Variants in OSBPL6 observed in about 807,000 individuals in gnomAD.
OSBPL6 encodes oxysterol-binding protein-related protein 6.
Under a neutral mutation model 125.8 loss-of-function variants are expected in OSBPL6, and 49 were observed. The observed-to-expected ratio is 0.39, with a 90% CI of 0.31 to 0.49. The LOEUF (loss-of-function observed/expected upper bound fraction) is 0.49, where lower values mean the gene tolerates loss of function less well. Among genes scored for constraint, OSBPL6 ranks in the 20% least tolerant of loss-of-function variants. OSBPL6 has a pLI of 0.88. For missense variants in OSBPL6, 986 were observed against 1,135.4 expected, an observed-to-expected ratio of 0.87 and a Z score of 1.89; for synonymous variants, 394 against 391.8, an observed-to-expected ratio of 1.01 and a Z score of -0.07.
chr2:178,382,545 A>G, intron 16 of OSBPL6, 38 bp downstream of exon 16: 3 of 1,613,428 alleles, frequency 1.9e-6, no homozygotes, highest in African/African-American at 1.3e-5. Flanking sequence ...TTCTATCTAC[A>G]TGCCAAATTG....
rs200475321 is a variant in OSBPL6, at chr2:178,383,022, A to T, written c.1622-2A>T. The T allele has an allele frequency of 3.7e-5, 60 of 1,613,946 alleles. No individual in the cohort carries two copies. Among genetic ancestry groups the T allele is most frequent in the Non-Finnish European group, 5.9e-6 (7 of 1,179,968 alleles). On this transcript the variant is annotated splice_acceptor_variant, in intron 16 of 24. Transcript: ENST00000190611. LOFTEE classifies it high-confidence loss of function. ...CCTTCACTGTGACTCTCCTTCTTCC[A>T]GTCCTGAATGGGGAGCTTACAGGAG... is the stretch of plus-strand genomic sequence containing the variant.
In OSBPL6 at chr2:178,325,673, T is replaced by A. The variant is rs564846017; in HGVS notation, c.195+1404T>A. ...ACCTACTTTACGCCAGGCACTGGAT[T>A]AGAACATGTATTATCTCACTTAATC... is the stretch of plus-strand genomic sequence containing the variant. On this transcript the variant is annotated intron_variant, in intron 4 of 24. Coordinates refer to ENST00000190611, the MANE Select transcript of OSBPL6 (RefSeq NM_032523.4). Among the ~76,000 whole-genome samples the A allele has an allele frequency of 2.6e-5, 4 of 152,346 alleles. No homozygotes were observed. The South Asian group carries it at 8.3e-4, about 32-fold the overall frequency.
chr2:178,381,489 G>T (rs1434149002), intron 15 of OSBPL6, among the ~76,000 whole-genome samples: 1 of 152,152 alleles, frequency 6.6e-6, no homozygotes, highest in Admixed American at 6.5e-5. Flanking sequence ...GAGTAGCTGG[G>T]ACTGCAGGCG....
chr2:178,395,744 C>G lies in OSBPL6; in HGVS notation c.*185C>G, dbSNP rs938027679. Reference sequence around the variant, plus strand: ...CAAGGCCCCTAACCACTTTGGGATCCTTTCTGTTTTGCTGCAACCATATTC... The same window carrying G: ...CAAGGCCCCTAACCACTTTGGGATCGTTTCTGTTTTGCTGCAACCATATTC... On this transcript the variant is annotated 3_prime_UTR_variant, in exon 25 of 25. Transcript: ENST00000190611. The G allele has an allele frequency of 2.2e-5, 10 of 462,152 alleles. No individual in the cohort carries two copies. The African/African-American group carries it at 2.3e-4, about 11-fold the overall frequency. 28.6% of individuals were successfully genotyped at this position (462,152 alleles called of 1,614,324 possible).
At chr2:178,378,276 G>T (rs1285567888) in intron 15 of OSBPL6, among the ~76,000 whole-genome samples, 2 of 152,106 alleles carry the variant, frequency 1.3e-5, no homozygotes, top group Admixed American at 1.3e-4. Flanking sequence ...TTTAACCACT[G>T]TGTCTCCTGC....
intron 14 of OSBPL6, among the ~76,000 whole-genome samples, chr2:178,372,482 A>G (rs892704313): frequency 6.6e-6 from 1 of 151,830 alleles, no homozygotes; most frequent in East Asian, 1.9e-4. Context: ...TATTTGATTT[A>G]TATATCTACT....
At chr2:178,207,445 CAT>C (rs1370580687) in intron 1 of OSBPL6, among the ~76,000 whole-genome samples, 51 of 152,174 alleles carry the variant, frequency 3.4e-4, no homozygotes. Flanking sequence ...TTCACTTAAT[CAT>C]ATGTTTTGGG....
intron 1 of OSBPL6, among the ~76,000 whole-genome samples, chr2:178,232,757 C>T (rs1479451358): frequency 1.3e-5 from 2 of 151,768 alleles, no homozygotes; most frequent in Non-Finnish European, 1.5e-5. Flanking sequence ...TTCTACTCAG[C>T]CCAGTACTTT....
At chr2:178,305,415 C>T (rs1224140935) in intron 2 of OSBPL6, among the ~76,000 whole-genome samples, 2 of 152,152 alleles carry the variant, frequency 1.3e-5, no homozygotes, top group Non-Finnish European at 2.9e-5. Flanking sequence ...TGAAGGAACT[C>T]CATTTACCCC....
At chr2:178,387,593 G>A (rs905323967) in intron 20 of OSBPL6, among the ~76,000 whole-genome samples, 1 of 152,156 alleles carries the variant, frequency 6.6e-6, no homozygotes, top group Non-Finnish European at 1.5e-5. Flanking sequence ...CTGAGGCCAA[G>A]GACTTGATTG....
chr2:178,244,586 C>A (rs2091422588), intron 1 of OSBPL6, among the ~76,000 whole-genome samples: 1 of 152,088 alleles, frequency 6.6e-6, no homozygotes, highest in South Asian at 2.1e-4. Flanking sequence ...CCCCTTGGTT[C>A]TTAAAGATAG....
At chr2:178,358,679 A>G (rs2154096906) in intron 12 of OSBPL6, among the ~76,000 whole-genome samples, 1 of 152,312 alleles carries the variant, frequency 6.6e-6, no homozygotes, top group East Asian at 1.9e-4. Context: ...GCTCCTTGAC[A>G]TTGTTCTTGG....
chr2:178,225,418 A>G (rs1295427861), intron 1 of OSBPL6, among the ~76,000 whole-genome samples: 1 of 152,186 alleles, frequency 6.6e-6, no homozygotes, highest in Non-Finnish European at 1.5e-5. Context: ...AAAGTATGCT[A>G]TCCAAGGTAG....
chr2:178,319,214 G>A (rs1259536983), intron 3 of OSBPL6, among the ~76,000 whole-genome samples: 1 of 152,170 alleles, frequency 6.6e-6, no homozygotes, highest in East Asian at 1.9e-4. Flanking sequence ...AAATTGTCTG[G>A]TTTGAGTGTG....
intron 9 of OSBPL6, among the ~76,000 whole-genome samples, chr2:178,336,659 G>A (rs568170333): frequency 1.3e-5 from 2 of 152,260 alleles, no homozygotes; most frequent in Non-Finnish European, 2.9e-5. Context: ...CACAGCAGTT[G>A]AATCTGGTTC....
At chr2:178,212,688 G>C (rs2089915130) in intron 1 of OSBPL6, among the ~76,000 whole-genome samples, 2 of 152,142 alleles carry the variant, frequency 1.3e-5, no homozygotes, top group African/African-American at 4.8e-5. Context: ...CCTTACACTT[G>C]GTTATTTCCT....
intron 12 of OSBPL6, among the ~76,000 whole-genome samples, chr2:178,358,724 G>A (rs1432025156): frequency 6.6e-6 from 1 of 151,774 alleles, no homozygotes; most frequent in Non-Finnish European, 1.5e-5. Flanking sequence ...CAAAAATTCA[G>A]GCTAAAAAAT....
intron 9 of OSBPL6, among the ~76,000 whole-genome samples, chr2:178,338,759 T>C (rs1689931285): frequency 6.6e-6 from 1 of 152,202 alleles, no homozygotes; most frequent in Non-Finnish European, 1.5e-5. Flanking sequence ...GAGAGTTTCA[T>C]GGTTTCTGCA....
intron 1 of OSBPL6, among the ~76,000 whole-genome samples, chr2:178,281,309 G>A (rs1455391887): frequency 1.3e-5 from 2 of 152,172 alleles, no homozygotes; most frequent in South Asian, 2.1e-4. Context: ...CACCGTGCCC[G>A]GCCGCTTTTG....
Sources: allele counts gnomAD v4.1 joint callset (sites outside exome capture counted in the v4.1 genomes callset), GRCh38; gene constraint gnomAD v4.1.1; transcripts MANE v1.5; gene names NCBI Gene and HGNC (gene_info 2026-07-23, HGNC 2026-07-21).